Variants in CLEC16A observed in about 807,000 individuals in gnomAD.
CLEC16A encodes the protein protein CLEC16A.
In CLEC16A, 51 loss-of-function variants were observed where a neutral mutation model predicts 109.5. The ratio of observed to expected loss-of-function variants is 0.47; its 90% CI spans 0.37 to 0.59. CLEC16A has a LOEUF of 0.59. CLEC16A is among the 20% of genes least tolerant of loss of function. CLEC16A has a pLI of 0.00. For synonymous variants in CLEC16A, 673 were observed against 564.2 expected (o/e 1.19, Z -2.73); for missense variants, 1,339 against 1,394.0 (o/e 0.96, Z 0.63).
At chr16:11,061,133 T>G (rs1838413740) in intron 19 of CLEC16A, 111 bp downstream of exon 19, 2 of 1,279,846 alleles carry the variant, frequency 1.6e-6, no homozygotes, top group Non-Finnish European at 2.1e-6. Context: ...CTACATTTTG[T>G]ACTATTATTG....
At chr16:10,978,193 A>T (rs560769171) in intron 8 of CLEC16A, among the ~76,000 whole-genome samples, 3 of 152,292 alleles carry the variant, frequency 2.0e-5, no homozygotes, top group Admixed American at 1.3e-4. Context: ...GGCTGGTAAC[A>T]TGCAGGGCCT....
intron 11 of CLEC16A, among the ~76,000 whole-genome samples, chr16:11,008,333 C>G (rs993993167): frequency 6.6e-6 from 1 of 152,222 alleles, no homozygotes; most frequent in Non-Finnish European, 1.5e-5. Flanking sequence ...GCCATGCCTG[C>G]CATTTCCCTG....
intron 10 of CLEC16A, among the ~76,000 whole-genome samples, chr16:11,002,584 T>C (rs979032641): frequency 1.3e-5 from 2 of 152,162 alleles, no homozygotes; most frequent in African/African-American, 4.8e-5. Context: ...AGGACCTTCA[T>C]TGCATCCATC....
chr16:11,021,450 C>A (rs768014849), intron 12 of CLEC16A, among the ~76,000 whole-genome samples: 2 of 152,130 alleles, frequency 1.3e-5, no homozygotes, highest in African/African-American at 2.4e-5. Flanking sequence ...ATTAGAAGAG[C>A]CCCAAATAAC....
Position 11,166,550 on chromosome 16 carries a change from C to A in CLEC16A, c.2804C>A (p.Ala935Glu). ...SSTPSTAQSP[A>E]DAPMSPELPK... ...ACCCCCTCCACAGCCCAGAGTCCAGCAGGTATTGGCCACGTGACTCAGTGA... is the reference window on the plus strand; with the variant it reads ...ACCCCCTCCACAGCCCAGAGTCCAGAAGGTATTGGCCACGTGACTCAGTGA... The change falls in exon 23 of 24, where the codon GCA (alanine) becomes GAA (glutamate). Residue 935 changes from alanine (A) to glutamate (E), a missense_variant and splice_region_variant. Ala to Glu is a moderately radical substitution (Grantham distance 107). Transcript: ENST00000409790. 1 of 1,593,048 alleles carries A rather than the reference C, an allele frequency of 6.3e-7. No individual in the cohort carries two copies. Among genetic ancestry groups the A allele is most frequent in the Non-Finnish European group, 8.5e-7 (1 of 1,170,766 alleles).
At chr16:11,027,370 T>G in intron 13 of CLEC16A, 1 of 1,400,000 alleles carries the variant, frequency 7.1e-7, no homozygotes. Context: ...AAGAAAATTT[T>G]TAGTGGTGTC....
chr16:11,031,991 A>G (rs1260961143), intron 13 of CLEC16A, among the ~76,000 whole-genome samples: 2 of 152,252 alleles, frequency 1.3e-5, no homozygotes, highest in African/African-American at 4.8e-5. Context: ...CAGGCAGACC[A>G]ACCCAGGCCC....
At chr16:11,069,918 C>T (rs920079660) in intron 19 of CLEC16A, among the ~76,000 whole-genome samples, 4 of 152,086 alleles carry the variant, frequency 2.6e-5, no homozygotes, top group South Asian at 2.1e-4. Flanking sequence ...TATGCAAATA[C>T]GACACCATTT....
At chr16:10,981,005 A>G (rs2043291195) in intron 9 of CLEC16A, among the ~76,000 whole-genome samples, 1 of 152,222 alleles carries the variant, frequency 6.6e-6, no homozygotes, top group Non-Finnish European at 1.5e-5. Context: ...AGTGTGGTGT[A>G]GGCAGCTGGG....
At chr16:11,051,483 C>T in intron 17 of CLEC16A, 30 bp from the exon 18 acceptor site, 1 of 1,601,282 alleles carries the variant, frequency 6.2e-7, no homozygotes, top group South Asian at 1.1e-5. Flanking sequence ...AAGGAATCTG[C>T]TTTGAGGTTT....
chr16:11,109,108 C>CAAAAAAAAAA (rs33997945), intron 19 of CLEC16A, among the ~76,000 whole-genome samples: 2 of 58,240 alleles, frequency 3.4e-5, no homozygotes, highest in Non-Finnish European at 6.3e-5. Context: ...GAGACTGTCT[C>CAAAAAAAAAA]AAAAAAAAAA....
intron 11 of CLEC16A, among the ~76,000 whole-genome samples, chr16:11,005,782 T>C (rs1473369743): frequency 6.6e-6 from 1 of 152,154 alleles, no homozygotes; most frequent in Non-Finnish European, 1.5e-5. Flanking sequence ...CATTTCTTCA[T>C]TCACATTGCA....
At chr16:10,969,754 A>G (rs1230640135) in intron 4 of CLEC16A, among the ~76,000 whole-genome samples, 2 of 152,292 alleles carry the variant, frequency 1.3e-5, no homozygotes, top group East Asian at 3.9e-4. Context: ...GCCCTGTGGG[A>G]AAAACAGGAA....
At chr16:11,098,353 A>G (rs1045663654) in intron 19 of CLEC16A, among the ~76,000 whole-genome samples, 6 of 152,250 alleles carry the variant, frequency 3.9e-5, no homozygotes, top group Non-Finnish European at 7.3e-5. Context: ...AGAAAGGGAC[A>G]GGGGACCAAG....
intron 19 of CLEC16A, among the ~76,000 whole-genome samples, chr16:11,119,183 G>A (rs1753788736): frequency 1.3e-5 from 2 of 152,030 alleles, no homozygotes; most frequent in East Asian, 1.9e-4. Context: ...TTATTTTTTG[G>A]TAGAGACAGT....
At chr16:10,969,358 T>TTC in intron 4 of CLEC16A, 49 bp downstream of exon 4, 1 of 149,552 alleles carries the variant, frequency 6.7e-6, no homozygotes, top group Non-Finnish European at 1.2e-5. Flanking sequence ...CACACGTGGC[T>TTC]TTTTTTTTTT....
At chr16:11,165,872 A>G (rs1284117897) in intron 22 of CLEC16A, among the ~76,000 whole-genome samples, 1 of 152,130 alleles carries the variant, frequency 6.6e-6, no homozygotes, top group Non-Finnish European at 1.5e-5. Flanking sequence ...CTTCCCTAGA[A>G]CCTCAAGGGC....
chr16:10,955,009 G>A (rs780154307), intron 1 of CLEC16A, among the ~76,000 whole-genome samples: 13 of 152,212 alleles, frequency 8.5e-5, no homozygotes, highest in African/African-American at 2.4e-4. Flanking sequence ...GCATGGTCAC[G>A]TTGCCTCTCT....
At chr16:10,965,359 C>T (rs1378185876) in intron 3 of CLEC16A, among the ~76,000 whole-genome samples, 1 of 152,218 alleles carries the variant, frequency 6.6e-6, no homozygotes, top group Admixed American at 6.5e-5. Context: ...AAAATGTCCT[C>T]ATTGTTAAAT....
Sources: allele counts gnomAD v4.1 joint callset (sites outside exome capture counted in the v4.1 genomes callset), GRCh38; gene constraint gnomAD v4.1.1; transcripts MANE v1.5; gene names NCBI Gene and HGNC (gene_info 2026-07-23, HGNC 2026-07-21).